MTCH2: variants seen among roughly 807,000 people sequenced by gnomAD.
The protein encoded by MTCH2 is mitochondrial carrier homolog 2.
In MTCH2, 25 loss-of-function variants were observed where a neutral mutation model predicts 50.6. The observed-to-expected ratio is 0.49, with a 90% CI of 0.36 to 0.69. The LOEUF (loss-of-function observed/expected upper bound fraction) is 0.69. Ranked by LOEUF, MTCH2 falls within the 30% of genes least tolerant of loss-of-function variation. MTCH2 has a pLI of 0.00. For missense variants in MTCH2, 273 were observed against 384.4 expected, an observed-to-expected ratio of 0.71 and a Z score of 2.42; for synonymous variants, 106 against 132.0, an observed-to-expected ratio of 0.80 and a Z score of 1.35.
At chr11:47,608,947 G>A in the MTCH2 span, among the ~76,000 whole-genome samples, 3 of 97,160 alleles carry the variant, frequency 3.1e-5, no homozygotes, top group Non-Finnish European at 5.6e-5. Context: ...GACAGAGCAA[G>A]ACTCTGTCTC....
intron 6 of MTCH2, 61 bp from the exon 7 acceptor site, chr11:47,631,148 C>T (rs2097302645): frequency 2.1e-6 from 3 of 1,407,702 alleles, no homozygotes; most frequent in Non-Finnish European, 2.0e-6. Flanking sequence ...GTGGCTCACA[C>T]CTGTAATCCC....
chr11:47,642,255 G>C, intron 1 of MTCH2, 124 bp downstream of exon 1: 4 of 821,182 alleles, frequency 4.9e-6, no homozygotes, highest in Non-Finnish European at 7.4e-6. Context: ...GTAAAGGGCA[G>C]CGGAGGAGCA....
rs1040479889 is a variant in MTCH2 at position 47,618,553 on chromosome 11, T to C, written c.*280A>G. On this transcript the variant is annotated 3_prime_UTR_variant, in exon 13 of 13. Coordinates refer to ENST00000302503, the MANE Select transcript of MTCH2 (RefSeq NM_014342.4). ...CTCAAAAATCACATGACAAAGTGCC[T>C]GTAGCTTCAGGAAAATACAACTTTT... 3 of 385,314 alleles carry C rather than the reference T, an allele frequency of 7.8e-6. No individual in the cohort carries two copies. Among genetic ancestry groups the C allele is most frequent in the East Asian group, 1.1e-4 (2 of 17,984 alleles). The allele number at this position is 385,314 out of a possible 1,614,324, so 23.9% of individuals were successfully genotyped here.
chr11:47,640,262 G>A (rs2097312816), intron 1 of MTCH2, among the ~76,000 whole-genome samples: 1 of 152,018 alleles, frequency 6.6e-6, no homozygotes, highest in Non-Finnish European at 1.5e-5. Context: ...CTGGGAGGCG[G>A]AGGTTGCAGT....
chr11:47,632,350 C>G (rs2097303829), intron 5 of MTCH2, among the ~76,000 whole-genome samples: 2 of 150,272 alleles, frequency 1.3e-5, no homozygotes. Flanking sequence ...CTACCATTGG[C>G]TTTTGCATTT....
At position 47,622,785 on chromosome 11, in the gene MTCH2, GA is replaced by G; in HGVS notation, c.750-10del. The G allele has an allele frequency of 1.9e-6, 3 of 1,573,736 alleles. No homozygotes were observed. The highest frequency in any genetic ancestry group is 1.7e-6 in the Non-Finnish European group (2 of 1,151,532). On this transcript the variant is annotated splice_polypyrimidine_tract_variant and intron_variant, in intron 11 of 12. Transcript: ENST00000302503. ...GGCATCCACCAGCAAGACTAAAATA[GA>G]AAAAAACATGGAGCTATTCATGTTA...
chr11:47,626,567 CTCTT>C (rs1165497926), intron 10 of MTCH2, among the ~76,000 whole-genome samples: 2 of 152,072 alleles, frequency 1.3e-5, no homozygotes, highest in African/African-American at 2.4e-5. Context: ...CTGCCTTACT[CTCTT>C]TATTTTCACA....
In MTCH2 at chr11:47,617,720, T is replaced by C. The variant is rs1157965422; in HGVS notation, c.*1113A>G. The C allele has an allele frequency of 6.6e-6, 1 of 152,350 alleles. No homozygotes were observed. Among genetic ancestry groups the C allele is most frequent in the Admixed American group, 6.6e-5 (1 of 15,264 alleles). The allele number at this position is 152,350 out of a possible 1,614,324, so 9.4% of individuals were successfully genotyped here. A position where few individuals can be genotyped will look rare whatever the true frequency, so the allele number is the denominator to read the frequency against. On this transcript the variant is annotated 3_prime_UTR_variant, in exon 13 of 13. Transcript: ENST00000302503. ...AGTAAACAGAAGCTTTATGCTTGAG[T>C]TGAATTTTATTTTCTCCCAAAGTGA... is the stretch of plus-strand genomic sequence containing the variant.
At chr11:47,614,973 T>G (rs578154654), downstream of MTCH2, among the ~76,000 whole-genome samples, 1 of 143,566 alleles carries the variant, frequency 7.0e-6, no homozygotes, top group Non-Finnish European at 1.5e-5. Context: ...CTAGTTGCAA[T>G]ACTGCTGCAC....
Position 47,638,699 on chromosome 11 carries a change from C to T in MTCH2, c.279G>A (p.Gln93=). Residue 93 remains glutamine (Q), a splice_region_variant and synonymous_variant, in exon 3 of 13, where the codon CAG becomes CAA. Transcript: ENST00000302503. ...LGTVVHGKVL[Q]HYQESDKGEE... ...AAGATTGATTTAATTTTCCTCTTACCTGTAAAACTTTACCATGGACCACAG... is the reference window on the plus strand; with the variant it reads ...AAGATTGATTTAATTTTCCTCTTACTTGTAAAACTTTACCATGGACCACAG... 6.2e-6 allele frequency: 10 copies of T among 1,611,674 alleles called. No homozygotes were observed. The highest frequency in any genetic ancestry group is 8.5e-6 in the Non-Finnish European group (10 of 1,177,894).
At chr11:47,629,407 G>A (rs2097300940) in intron 8 of MTCH2, 1 of 239,202 alleles carries the variant, frequency 4.2e-6, no homozygotes, top group Non-Finnish European at 8.5e-6. Flanking sequence ...ATTTTGCTAA[G>A]CTATCTGATA....
At chr11:47,631,633 A>T (rs2097303126) in intron 6 of MTCH2, 21 bp downstream of exon 6, 1 of 1,613,406 alleles carries the variant, frequency 6.2e-7, no homozygotes, top group Admixed American at 1.7e-5. Context: ...AAGAAAGGTC[A>T]GTTGTCAACT....
the MTCH2 span, among the ~76,000 whole-genome samples, chr11:47,612,176 G>C: frequency 6.6e-6 from 1 of 152,202 alleles, no homozygotes; most frequent in Non-Finnish European, 1.5e-5. Flanking sequence ...CACTCTGGGA[G>C]GCCTAGGTAG....
intron 3 of MTCH2, 43 bp downstream of exon 3, chr11:47,638,656 G>T: frequency 2.4e-6 from 3 of 1,254,662 alleles, no homozygotes; most frequent in Non-Finnish European, 2.1e-6. Flanking sequence ...TGCATAACAG[G>T]TAAGCAACAT....
chr11:47,619,642 GA>G (rs2097291390), intron 12 of MTCH2, among the ~76,000 whole-genome samples: 1 of 151,862 alleles, frequency 6.6e-6, no homozygotes, highest in Admixed American at 6.6e-5. Flanking sequence ...ATCTCTACAA[GA>G]AATTAAAAAA....
chr11:47,632,723 G>A (rs985904945), intron 5 of MTCH2, among the ~76,000 whole-genome samples: 1 of 146,158 alleles, frequency 6.8e-6, no homozygotes, highest in Non-Finnish European at 1.5e-5. Flanking sequence ...TTTTGAGACA[G>A]AGTCTTGCTC....
downstream of MTCH2, among the ~76,000 whole-genome samples, chr11:47,615,188 C>A (rs561995118): frequency 2.6e-5 from 4 of 152,118 alleles, no homozygotes; most frequent in South Asian, 6.2e-4. Context: ...CAGGTGCACA[C>A]CACCAAGCCT....
intron 5 of MTCH2, among the ~76,000 whole-genome samples, chr11:47,633,526 A>ATATATTTTT (rs1378774715): frequency 5.7e-5 from 2 of 35,078 alleles, no homozygotes; most frequent in African/African-American, 1.7e-4. Flanking sequence ...ATATATATAT[A>ATATATTTTT]TTTTTTTTTT....
At position 47,633,114 on chromosome 11, in the gene MTCH2, CT is replaced by C. The variant is rs11394531; in HGVS notation, c.370-1404del. On this transcript the variant is annotated intron_variant, in intron 5 of 12. Transcript: ENST00000302503. ...TTGCATAGTAATACATGTATCCCTGCTTTTTTTTTTTTTTTGAGAGGGAGTC... is the reference window on the plus strand; with the variant it reads ...TTGCATAGTAATACATGTATCCCTGCTTTTTTTTTTTTTTGAGAGGGAGTC... Among the ~76,000 whole-genome samples the C allele has an allele frequency of 2.3e-3, 310 of 134,508 alleles. 1 individual carries two copies. The highest frequency in any genetic ancestry group is 0.016 in the Middle Eastern group (4 of 254). 88.2% of individuals were successfully genotyped at this position (134,508 alleles called of 152,430 possible).
Sources: allele counts gnomAD v4.1 joint callset (sites outside exome capture counted in the v4.1 genomes callset), GRCh38; gene constraint gnomAD v4.1.1; transcripts MANE v1.5; gene names NCBI Gene and HGNC (gene_info 2026-07-23, HGNC 2026-07-21).